The following TCF25 variants were observed in gnomAD, a reference collection of about 807,000 sequenced individuals.
TCF25 encodes ribosome quality control complex subunit TCF25.
Under a neutral mutation model 83.1 loss-of-function variants are expected in TCF25, and 41 were observed. The observed-to-expected ratio is 0.49, with a 90% CI of 0.38 to 0.64. The LOEUF (loss-of-function observed/expected upper bound fraction) is 0.64. Among genes scored for constraint, TCF25 ranks in the 30% least tolerant of loss-of-function variants. The probability of loss-of-function intolerance (pLI) is 0.00; values close to 1 mark genes in which losing one functional copy is unlikely to be tolerated. For synonymous variants in TCF25, 458 were observed against 365.0 expected, an observed-to-expected ratio of 1.25 and a Z score of -2.90; for missense variants, 979 against 914.5, an observed-to-expected ratio of 1.07 and a Z score of -0.91.
chr16:89,904,659 C>T (rs993608437), intron 13 of TCF25: 2 of 569,806 alleles, frequency 3.5e-6, no homozygotes, highest in Non-Finnish European at 6.5e-6. Flanking sequence ...CCAGGGCTCG[C>T]CCTGTGTGCA....
In TCF25 at chr16:89,893,901, A is replaced by G. The variant is rs2043620658; in HGVS notation, c.828+43A>G. The G allele has an allele frequency of 2.6e-6, 4 of 1,567,100 alleles. No individual in the cohort carries two copies. In the East Asian group the frequency reaches 7.2e-5, roughly 28 times the overall value. ...CCCCTGACAGGAGCAGGGGCCATGT[A>G]GCCACCACTGCCCTGGGCCGCCTGC... is the stretch of plus-strand genomic sequence containing the variant. On this transcript the variant is annotated intron_variant, in intron 7 of 17. Transcript: ENST00000263346.
At chr16:89,904,372 T>C in intron 13 of TCF25, 167 bp downstream of exon 13, 1 of 733,206 alleles carries the variant, frequency 1.4e-6, no homozygotes, top group Non-Finnish European at 2.3e-6. Context: ...TCTGGAGCCC[T>C]CATCTGTGTG....
chr16:89,875,600 G>A (rs2042127256), intron 1 of TCF25, among the ~76,000 whole-genome samples: 1 of 135,692 alleles, frequency 7.4e-6, no homozygotes, highest in Admixed American at 8.6e-5. Flanking sequence ...TCGGCTCACT[G>A]CAAGCTCCGC....
intron 5 of TCF25, 36 bp from the exon 6 acceptor site, chr16:89,892,157 G>C: frequency 1.3e-5 from 20 of 1,560,688 alleles, no homozygotes; most frequent in Non-Finnish European, 1.7e-5. Context: ...ACACGCCACA[G>C]GAAGTAAAGC....
chr16:89,898,503 G>C (rs1046525108), intron 9 of TCF25, 54 bp from the exon 10 acceptor site: 1 of 1,583,390 alleles, frequency 6.3e-7, no homozygotes, highest in Admixed American at 1.7e-5. Context: ...GCGCTGAGCA[G>C]AGAGCATTCT....
intron 5 of TCF25, among the ~76,000 whole-genome samples, chr16:89,888,823 G>A (rs1479917176): frequency 3.4e-5 from 5 of 146,898 alleles, no homozygotes; most frequent in Non-Finnish European, 7.4e-5. Flanking sequence ...GCAGGTGCAC[G>A]CCACCACGCC....
intron 1 of TCF25, among the ~76,000 whole-genome samples, chr16:89,879,863 C>T (rs532694374): frequency 5.5e-4 from 81 of 148,132 alleles, no homozygotes; most frequent in South Asian, 1.8e-3. Context: ...GCCTGTCACA[C>T]GTGTTGTCCG....
rs1410890821 is a variant in TCF25 at position 89,895,978 on chromosome 16, C to G, written c.929-12C>G. On this transcript the variant is annotated splice_polypyrimidine_tract_variant and intron_variant, in intron 8 of 17. Transcript: ENST00000263346. ...GCCATGACACCCTCCCCTGGCGTCC[C>G]TGTGCCCACAGAGAGAGCGCTGTAC... 6.2e-7 allele frequency: 1 copy of G among 1,612,918 alleles called. No homozygotes were observed. Among genetic ancestry groups the G allele is most frequent in the Admixed American group, 1.7e-5 (1 of 59,966 alleles).
intron 5 of TCF25, among the ~76,000 whole-genome samples, chr16:89,888,325 C>T (rs1006814743): frequency 1.3e-5 from 2 of 151,982 alleles, no homozygotes; most frequent in Non-Finnish European, 2.9e-5. Flanking sequence ...TGGTGGCTCA[C>T]GCCTGTAATC....
Position 89,885,945 on chromosome 16 carries a change from A to C in TCF25, c.527A>C (p.His176Pro). Residue 176 changes from histidine to proline, a missense_variant, in exon 4 of 18, where the codon CAC (histidine) becomes CCC (proline). Physicochemically the swap from His to Pro is moderately conservative, Grantham distance 77. Coordinates refer to ENST00000263346, the MANE Select transcript of TCF25 (RefSeq NM_014972.3). ...CCAGCTCCCCTGAGCTCCAGGAAGC[A>C]CGTTCTCTACGTGGAGCACAGGTGT... ...PGPAPLSSRK[H>P]VLYVEHRHLN... The C allele has an allele frequency of 1.9e-6, 3 of 1,541,074 alleles. No homozygotes were observed. The highest frequency in any genetic ancestry group is 2.6e-6 in the Non-Finnish European group (3 of 1,145,180).
At chr16:89,907,016 T>C (rs1364012492) in intron 15 of TCF25, among the ~76,000 whole-genome samples, 1 of 152,046 alleles carries the variant, frequency 6.6e-6, no homozygotes, top group Non-Finnish European at 1.5e-5. Context: ...GCAGACGCCG[T>C]GCAGGTTCAT....
chr16:89,875,032 C>G (rs986838397), intron 1 of TCF25, among the ~76,000 whole-genome samples: 1 of 152,198 alleles, frequency 6.6e-6, no homozygotes, highest in African/African-American at 2.4e-5. Flanking sequence ...TGGAATCTTG[C>G]TCTGTTGCCC....
chr16:89,876,187 G>A lies in TCF25; in HGVS notation c.192+2328G>A, dbSNP rs74922572. ...CTCCATGGATGAATGACTGCTTATC[G>A]TGCTGTGTTCTTAGGAATTTCAGAG... On this transcript the variant is annotated intron_variant, in intron 1 of 17. Coordinates refer to ENST00000263346, the MANE Select transcript of TCF25 (RefSeq NM_014972.3). Among the ~76,000 whole-genome samples, 409 of 152,128 alleles carry A rather than the reference G, an allele frequency of 2.7e-3. 2 individuals carry two copies. Among genetic ancestry groups the A allele is most frequent in the African/African-American group, 9.2e-3 (383 of 41,498 alleles).
At chr16:89,874,179 T>G (rs2041977773) in intron 1 of TCF25, among the ~76,000 whole-genome samples, 1 of 150,662 alleles carries the variant, frequency 6.6e-6, no homozygotes, top group African/African-American at 2.5e-5. Context: ...GGGTCCGGGT[T>G]GTGGAGGGTG....
chr16:89,898,092 G>C (rs2044005275), intron 9 of TCF25, among the ~76,000 whole-genome samples: 1 of 151,072 alleles, frequency 6.6e-6, no homozygotes, highest in South Asian at 2.1e-4. Flanking sequence ...CTGGGTGACA[G>C]AGCGAGACTC....
chr16:89,900,427 C>G (rs1262355680), intron 11 of TCF25, among the ~76,000 whole-genome samples: 1 of 152,204 alleles, frequency 6.6e-6, no homozygotes, highest in Non-Finnish European at 1.5e-5. Flanking sequence ...CAGGCCCTCC[C>G]ACGTCCTCTG....
rs1228322141 is a variant in TCF25, at chr16:89,911,165, T to C, written c.1958T>C (p.Met653Thr). 11 of 1,612,158 alleles carry C rather than the reference T, an allele frequency of 6.8e-6. No homozygotes were observed. The highest frequency in any genetic ancestry group is 1.7e-5 in the Admixed American group (1 of 59,992). The change falls in exon 18 of 18, where the codon ATG becomes ACG. Residue 653 changes from methionine to threonine, a missense_variant. Physicochemically the swap from Met to Thr is moderately conservative, Grantham distance 81. Transcript: ENST00000263346. ...CTGATGCTGGCTGTGCGCGACATGA[T>C]GGCCAACTTCCACCTCAACGACCTG... ...NRLMLAVRDM[M>T]ANFHLNDLEA...
intron 12 of TCF25, among the ~76,000 whole-genome samples, chr16:89,903,771 C>T (rs2044544119): frequency 6.6e-6 from 1 of 152,144 alleles, no homozygotes; most frequent in Non-Finnish European, 1.5e-5. Context: ...TTCGCCAACG[C>T]ACTCCAGCCT....
At chr16:89,893,003 C>T (rs1462321284) in intron 6 of TCF25, among the ~76,000 whole-genome samples, 2 of 152,214 alleles carry the variant, frequency 1.3e-5, no homozygotes, top group Non-Finnish European at 2.9e-5. Flanking sequence ...CATCTAGGAG[C>T]GAGGCCTGTG....
Sources: gnomAD v4.1 joint callset for allele counts (sites outside exome capture counted in the v4.1 genomes callset) on GRCh38, gnomAD v4.1.1 for gene constraint, MANE v1.5 for transcripts, NCBI Gene and HGNC (gene_info 2026-07-23, HGNC 2026-07-21) for gene names.